Variants in ELOVL6 observed in about 807,000 individuals in gnomAD.
The protein encoded by ELOVL6 is very long chain fatty acid elongase 6.
A neutral mutation model predicts 31.7 loss-of-function variants in ELOVL6; 8 were observed. The ratio of observed to expected loss-of-function variants is 0.25; its 90% confidence interval spans 0.15 to 0.45. ELOVL6 has a LOEUF of 0.45. ELOVL6 is among the 20% of genes least tolerant of loss of function. The pLI is 1.00. For synonymous variants in ELOVL6, 101 were observed against 117.7 expected, an observed-to-expected ratio of 0.86 and a Z score of 0.92; for missense variants, 126 against 326.4, an observed-to-expected ratio of 0.39 and a Z score of 4.73.
At chr4:110,148,883 CAG>C (rs1474122709) in intron 1 of ELOVL6, among the ~76,000 whole-genome samples, 2 of 152,124 alleles carry the variant, frequency 1.3e-5, no homozygotes, top group East Asian at 1.9e-4. Flanking sequence ...TATTTTGAGA[CAG>C]AGTCTCGCTC....
rs1758250812 is a variant in ELOVL6, at chr4:110,150,616, A to G, written c.90-44988T>C. Among the ~76,000 whole-genome samples, 6 of 152,224 alleles carry G rather than the reference A, an allele frequency of 3.9e-5. No individual in the cohort carries two copies. The South Asian group carries it at 1.2e-3, about 32-fold the overall frequency. ...AACTAAAAATGCTTAAAATTCTAAG[A>G]GCAGAATAATTAAAACATTATTCTT... On this transcript the variant is annotated intron_variant, in intron 1 of 3. Coordinates refer to ENST00000302274, the MANE Select transcript of ELOVL6 (RefSeq NM_024090.3).
chr4:110,129,208 T>C (rs1370858556), intron 1 of ELOVL6, among the ~76,000 whole-genome samples: 4 of 152,204 alleles, frequency 2.6e-5, no homozygotes, highest in African/African-American at 9.7e-5. Context: ...ATAATTGTTA[T>C]TGTTTTATAT....
rs1038685421 is a variant in ELOVL6, at chr4:110,174,220, G to A, written c.89+24027C>T. Among the ~76,000 whole-genome samples the A allele has an allele frequency of 5.4e-5, 8 of 148,330 alleles. No individual in the cohort carries two copies. The Middle Eastern group carries it at 0.014, about 258-fold the overall frequency. ...ACTCTGTTGTTCAGGCTGGACTGCA[G>A]TGGCGTAATCTCGGCTCACTGCAAC... On this transcript the variant is annotated intron_variant, in intron 1 of 3. Transcript: ENST00000302274.
chr4:110,138,352 C>T (rs995983042), intron 1 of ELOVL6, among the ~76,000 whole-genome samples: 11 of 152,090 alleles, frequency 7.2e-5, no homozygotes, highest in African/African-American at 2.4e-4. Flanking sequence ...CCAGATCCTA[C>T]GCTAGGTACT....
intron 2 of ELOVL6, among the ~76,000 whole-genome samples, chr4:110,065,110 C>T (rs1755262745): frequency 6.6e-6 from 1 of 152,034 alleles, no homozygotes. Context: ...ATATGTATAA[C>T]AAAAACAATA....
chr4:110,084,219 T>TTA (rs1224030263), intron 2 of ELOVL6, among the ~76,000 whole-genome samples: 1 of 51,494 alleles, frequency 1.9e-5, no homozygotes, highest in Non-Finnish European at 3.7e-5. Context: ...AACATATAAC[T>TTA]TATATGATAT....
At chr4:110,076,832 C>T (rs1215234513) in intron 2 of ELOVL6, among the ~76,000 whole-genome samples, 1 of 152,294 alleles carries the variant, frequency 6.6e-6, no homozygotes, top group East Asian at 1.9e-4. Context: ...ACTCCCTTTC[C>T]TAGTCAAAGA....
intron 2 of ELOVL6, among the ~76,000 whole-genome samples, chr4:110,081,947 A>ATATCTGTTCATATCTTCATAT (rs1434825279): frequency 1.9e-4 from 29 of 151,498 alleles, no homozygotes; most frequent in Admixed American, 1.8e-3. Context: ...ATGAACAGAC[A>ATATCTGTTCATATCTTCATAT]CTTCTGAAAA....
chr4:110,181,504 A>G (rs1759273665), intron 1 of ELOVL6, among the ~76,000 whole-genome samples: 1 of 152,144 alleles, frequency 6.6e-6, no homozygotes, highest in Admixed American at 6.5e-5. Flanking sequence ...GTCTCCTCTA[A>G]CCTCTAGGGA....
chr4:110,123,710 C>T (rs57109255), intron 1 of ELOVL6, among the ~76,000 whole-genome samples: 5,849 of 152,096 alleles, frequency 0.038, 372 homozygotes, highest in African/African-American at 0.13. Context: ...CAGGGAATAG[C>T]CAAGGCAAGA....
chr4:110,075,133 G>A (rs1329393961), intron 2 of ELOVL6, among the ~76,000 whole-genome samples: 5 of 152,138 alleles, frequency 3.3e-5, no homozygotes, highest in Non-Finnish European at 7.4e-5. Context: ...ATTACTGTTA[G>A]GATGTGGAAA....
intron 1 of ELOVL6, chr4:110,117,903 A>AAAAAAAAAAAAAAAAAAAAAATT: frequency 1.5e-4 from 1 of 6,506 alleles, no homozygotes; most frequent in African/African-American, 3.3e-4. Flanking sequence ...AAAAAAAAAA[A>AAAAAAAAAAAAAAAAAAAAAATT]ATATATATAT....
At chr4:110,186,942 C>T (rs1350460845) in intron 1 of ELOVL6, among the ~76,000 whole-genome samples, 1 of 141,164 alleles carries the variant, frequency 7.1e-6, no homozygotes, top group African/African-American at 2.6e-5. Flanking sequence ...TGAATAAAAC[C>T]GTGGATGTCA....
chr4:110,170,342 T>C (rs1758907618), intron 1 of ELOVL6, among the ~76,000 whole-genome samples: 1 of 152,250 alleles, frequency 6.6e-6, no homozygotes, highest in South Asian at 2.1e-4. Context: ...ATGTTACTTC[T>C]AGAACAGAAT....
intron 1 of ELOVL6, among the ~76,000 whole-genome samples, chr4:110,181,428 A>C (rs539508769): frequency 1.3e-5 from 2 of 152,258 alleles, no homozygotes; most frequent in South Asian, 4.2e-4. Flanking sequence ...AGCCTGAGTG[A>C]CTAGAGTGAG....
chr4:110,103,714 T>C (rs1027866988), intron 2 of ELOVL6, among the ~76,000 whole-genome samples: 10 of 152,170 alleles, frequency 6.6e-5, no homozygotes, highest in African/African-American at 2.4e-4. Context: ...GTAAACTATC[T>C]GGTTTCTTCA....
chr4:110,093,740 A>T (rs1311110800), intron 2 of ELOVL6, among the ~76,000 whole-genome samples: 1 of 152,168 alleles, frequency 6.6e-6, no homozygotes, highest in Non-Finnish European at 1.5e-5. Flanking sequence ...CACTGCCCTC[A>T]TGGAACATAG....
chr4:110,150,997 C>G (rs1306328153), intron 1 of ELOVL6, among the ~76,000 whole-genome samples: 1 of 150,994 alleles, frequency 6.6e-6, no homozygotes, highest in Non-Finnish European at 1.5e-5. Flanking sequence ...GAGCCAAGAT[C>G]GTGCCACTGC....
chr4:110,173,790 T>C (rs1304228993), intron 1 of ELOVL6, among the ~76,000 whole-genome samples: 2 of 151,660 alleles, frequency 1.3e-5, no homozygotes, highest in Non-Finnish European at 2.9e-5. Flanking sequence ...AGCTAAATGA[T>C]AAGAACTTAT....
Sources: allele counts gnomAD v4.1 joint callset (sites outside exome capture counted in the v4.1 genomes callset), GRCh38; gene constraint gnomAD v4.1.1; transcripts MANE v1.5; gene names NCBI Gene and HGNC (gene_info 2026-07-23, HGNC 2026-07-21).